TUSC3: variants seen among roughly 807,000 people sequenced by gnomAD.
TUSC3 encodes dolichyl-diphosphooligosaccharide--protein glycosyltransferase subunit TUSC3.
A neutral mutation model predicts 44.8 loss-of-function variants in TUSC3; 45 were observed. That is an observed-to-expected ratio of 1.00 (90% CI 0.79 to 1.29). The LOEUF (loss-of-function observed/expected upper bound fraction) is 1.29, where lower values mean the gene tolerates loss of function less well. TUSC3 is among the 50% of genes most tolerant of loss of function. The pLI, the probability that TUSC3 is intolerant of heterozygous loss-of-function variation, is 0.00. For missense variants in TUSC3, 519 were observed against 437.9 expected (o/e 1.19, Z -1.65); for synonymous variants, 212 against 152.9 (o/e 1.39, Z -2.85).
At chr8:15,444,376 A>C (rs939594538) in intron 1 of TUSC3, among the ~76,000 whole-genome samples, 7 of 152,170 alleles carry the variant, frequency 4.6e-5, no homozygotes, top group African/African-American at 1.7e-4. Flanking sequence ...AATACAAGGA[A>C]AAGTGGGAAT....
the TUSC3 span, among the ~76,000 whole-genome samples, chr8:15,825,466 T>C: frequency 0.31 from 47,720 of 151,878 alleles, 7,926 homozygotes; most frequent in East Asian, 0.46. Context: ...TGGAAAGACC[T>C]GTCCCAATGA....
rs189502966 is a variant in TUSC3, at chr8:15,474,448, A to G, written n.92-8938A>G. ...GGTGAATGTCCATGAAATCTTCACA[A>G]TTTATGTTCCTCTGCTGCAGCTCCA... On this transcript the variant is annotated intron_variant and non_coding_transcript_variant, in intron 1 of 5. Transcript: ENST00000503191. Among the ~76,000 whole-genome samples, 100 of 152,284 alleles carry G rather than the reference A, an allele frequency of 6.6e-4. 2 individuals carry two copies. The highest frequency in any genetic ancestry group is 6.3e-3 in the Admixed American group (96 of 15,280).
At chr8:15,445,547 T>C (rs1800085136) in intron 1 of TUSC3, among the ~76,000 whole-genome samples, 1 of 152,188 alleles carries the variant, frequency 6.6e-6, no homozygotes, top group South Asian at 2.1e-4. Flanking sequence ...TTCAAGCATC[T>C]GTTTAACAAA....
At chr8:15,808,715 C>A in the TUSC3 span, among the ~76,000 whole-genome samples, 1 of 152,106 alleles carries the variant, frequency 6.6e-6, no homozygotes, top group East Asian at 1.9e-4. Context: ...CCATTTTTGA[C>A]AATTTCTAAG....
chr8:15,500,794 T>G (rs1381572402), intron 2 of TUSC3, among the ~76,000 whole-genome samples: 2 of 152,200 alleles, frequency 1.3e-5, no homozygotes, highest in Non-Finnish European at 2.9e-5. Context: ...TCCCATGATT[T>G]ATTTTCTGTT....
intron 1 of TUSC3, among the ~76,000 whole-genome samples, chr8:15,583,017 A>G (rs1327732935): frequency 6.6e-6 from 1 of 152,182 alleles, no homozygotes; most frequent in African/African-American, 2.4e-5. Context: ...GATTTCAACA[A>G]CATGTAAAGA....
intron 1 of TUSC3, among the ~76,000 whole-genome samples, chr8:15,436,992 A>T (rs978267777): frequency 6.6e-6 from 1 of 152,212 alleles, no homozygotes; most frequent in African/African-American, 2.4e-5. Context: ...ACAACTGGCT[A>T]TTTAAAATTG....
At chr8:15,761,484 C>T (rs903664265) in intron 10 of TUSC3, among the ~76,000 whole-genome samples, 1 of 152,280 alleles carries the variant, frequency 6.6e-6, no homozygotes, top group Middle Eastern at 3.4e-3. Context: ...CCCTTGTGTG[C>T]GATTTGCTAC....
At chr8:15,818,804 C>T in the TUSC3 span, among the ~76,000 whole-genome samples, 3 of 152,342 alleles carry the variant, frequency 2.0e-5, no homozygotes, top group East Asian at 5.8e-4. Context: ...GCTGCCCCTA[C>T]TCAGGAAAAT....
At chr8:15,445,503 G>C (rs925072215) in intron 1 of TUSC3, among the ~76,000 whole-genome samples, 4 of 152,086 alleles carry the variant, frequency 2.6e-5, no homozygotes, top group Non-Finnish European at 5.9e-5. Flanking sequence ...CTTGAGATTA[G>C]GGAGTGGTGA....
At chr8:15,730,807 G>A (rs1166450945) in intron 7 of TUSC3, 78 bp downstream of exon 7, 5 of 1,401,720 alleles carry the variant, frequency 3.6e-6, no homozygotes, top group Non-Finnish European at 5.0e-6. Flanking sequence ...TTTCCTGGCA[G>A]TAAATATCAA....
the TUSC3 span, among the ~76,000 whole-genome samples, chr8:15,772,364 T>G: frequency 1.3e-5 from 2 of 152,182 alleles, no homozygotes; most frequent in Non-Finnish European, 2.9e-5. Flanking sequence ...AATACCCACC[T>G]TGCGGAAATA....
intron 2 of TUSC3, among the ~76,000 whole-genome samples, chr8:15,634,625 A>G (rs1054308528): frequency 7.9e-5 from 12 of 152,194 alleles, no homozygotes; most frequent in African/African-American, 2.7e-4. Flanking sequence ...AGAGAGCTGC[A>G]CCAGTGTGTT....
chr8:15,449,662 T>C (rs1800167228), intron 1 of TUSC3, among the ~76,000 whole-genome samples: 1 of 152,170 alleles, frequency 6.6e-6, no homozygotes, highest in South Asian at 2.1e-4. Flanking sequence ...GAATTCAGCC[T>C]CCACCTTTTC....
At chr8:15,806,959 T>C in the TUSC3 span, 2 of 1,467,974 alleles carry the variant, frequency 1.4e-6, no homozygotes, top group Non-Finnish European at 9.5e-7. Flanking sequence ...CTCGTGTTCA[T>C]CAATCTCCAG....
chr8:15,638,999 C>CA (rs1563147838), intron 2 of TUSC3, among the ~76,000 whole-genome samples: 4 of 145,104 alleles, frequency 2.8e-5, no homozygotes, highest in Non-Finnish European at 6.0e-5. Flanking sequence ...TTCAAGGCTT[C>CA]AGTGATGATG....
chr8:15,462,289 A>G (rs1354459485), intron 1 of TUSC3, among the ~76,000 whole-genome samples: 1 of 152,146 alleles, frequency 6.6e-6, no homozygotes, highest in Non-Finnish European at 1.5e-5. Context: ...TATCTAGAAT[A>G]TATAAACAAC....
At chr8:15,481,324 A>G (rs1333842473) in intron 1 of TUSC3, among the ~76,000 whole-genome samples, 1 of 151,866 alleles carries the variant, frequency 6.6e-6, no homozygotes, top group Non-Finnish European at 1.5e-5. Flanking sequence ...TCAATGGATT[A>G]ATGCCATTAT....
chr8:15,695,841 A>G (rs550499358), intron 6 of TUSC3, among the ~76,000 whole-genome samples: 1 of 152,282 alleles, frequency 6.6e-6, no homozygotes, highest in Admixed American at 6.5e-5. Context: ...GATTTGTGGA[A>G]CTTTGAACTC....
Sources: gnomAD v4.1 joint callset for allele counts (sites outside exome capture counted in the v4.1 genomes callset) on GRCh38, gnomAD v4.1.1 for gene constraint, MANE v1.5 for transcripts, NCBI Gene and HGNC (gene_info 2026-07-23, HGNC 2026-07-21) for gene names.